The following TIMM23 variants were observed in gnomAD, a reference collection of about 807,000 sequenced individuals.
TIMM23 encodes mitochondrial import inner membrane translocase subunit Tim23.
In TIMM23, 19 loss-of-function variants were observed where a neutral mutation model predicts 30.7. The ratio of observed to expected loss-of-function variants is 0.62; its 90% confidence interval spans 0.43 to 0.91. The LOEUF is 0.91. Among genes scored for constraint, TIMM23 ranks in the 40% least tolerant of loss-of-function variants. TIMM23 has a pLI of 0.00. For missense variants in TIMM23, 202 were observed against 269.2 expected (o/e 0.75, Z 1.75); for synonymous variants, 78 against 98.5 (o/e 0.79, Z 1.23).
At chr10:45,974,788 A>AC (rs1837615120) in intron 1 of TIMM23, among the ~76,000 whole-genome samples, 1 of 152,164 alleles carries the variant, frequency 6.6e-6, no homozygotes, top group South Asian at 2.1e-4. Flanking sequence ...ATGAAAAGAT[A>AC]GAGGCATGGG....
intron 4 of TIMM23, among the ~76,000 whole-genome samples, chr10:45,983,896 A>T (rs1474977142): frequency 2.6e-5 from 4 of 152,082 alleles, no homozygotes; most frequent in Admixed American, 1.3e-4. Flanking sequence ...GGCACATGCC[A>T]CCATGCCCAG....
In TIMM23 at chr10:45,972,731, G is replaced by C. The variant is rs782431897; in HGVS notation, c.106+1G>C. ...CACGCGGATTTGGCTGGCGTCCCGC[G>C]TAAGTATGGGGCCTAGCTTGCGATT... On this transcript the variant is annotated splice_donor_variant, in intron 1 of 6. Transcript: ENST00000580018. LOFTEE classifies it high-confidence loss of function. 3.7e-6 allele frequency: 6 copies of C among 1,613,888 alleles called. No individual in the cohort carries two copies. Among genetic ancestry groups the C allele is most frequent in the Middle Eastern group, 1.7e-4 (1 of 6,056 alleles).
chr10:45,972,970 A>G lies in TIMM23; in HGVS notation c.106+240A>G, dbSNP rs587652787. Among the ~76,000 whole-genome samples the G allele has an allele frequency of 1.9e-3, 290 of 152,120 alleles. 1 individual carries two copies. Among genetic ancestry groups the G allele is most frequent in the African/African-American group, 6.8e-3 (282 of 41,492 alleles). ...TTGACCTGGACTCGCGAGATGATGC[A>G]TGTTTTCTTAGGTTTATATCCAAGC... On this transcript the variant is annotated intron_variant, in intron 1 of 6. Transcript: ENST00000580018.
At chr10:46,001,059 T>G (rs1838517604) in intron 6 of TIMM23, among the ~76,000 whole-genome samples, 1 of 152,252 alleles carries the variant, frequency 6.6e-6, no homozygotes, top group Admixed American at 6.5e-5. Flanking sequence ...CATGGCTTAT[T>G]TTTTCCACAT....
chr10:45,985,018 ATAGAT>A (rs1162050257), intron 4 of TIMM23, among the ~76,000 whole-genome samples: 1 of 152,100 alleles, frequency 6.6e-6, no homozygotes, highest in African/African-American at 2.4e-5. Context: ...CATTTTTTAC[ATAGAT>A]TAGTTTCTGT....
intron 6 of TIMM23, among the ~76,000 whole-genome samples, chr10:46,001,444 G>A (rs782275845): frequency 2.6e-5 from 4 of 152,292 alleles, no homozygotes; most frequent in African/African-American, 4.8e-5. Context: ...TAAGAAGAAC[G>A]TAAGCAGGTC....
intron 2 of TIMM23, among the ~76,000 whole-genome samples, chr10:45,976,487 T>A (rs1314124365): frequency 6.7e-6 from 1 of 149,968 alleles, no homozygotes; most frequent in East Asian, 2.0e-4. Flanking sequence ...GGTGCCTACC[T>A]GTAATCCCAG....
At chr10:45,994,126 G>A (rs1451269876) in intron 6 of TIMM23, among the ~76,000 whole-genome samples, 2 of 152,112 alleles carry the variant, frequency 1.3e-5, no homozygotes, top group African/African-American at 4.8e-5. Flanking sequence ...GATCACCTGA[G>A]GTCAGGAGTT....
intron 6 of TIMM23, among the ~76,000 whole-genome samples, chr10:45,995,323 T>C (rs587716207): frequency 6.6e-6 from 1 of 152,040 alleles, no homozygotes; most frequent in African/African-American, 2.4e-5. Context: ...ACATATAATA[T>C]GCCTTAAATT....
chr10:45,983,016 C>T, intron 4 of TIMM23, 86 bp downstream of exon 4: 3 of 1,565,224 alleles, frequency 1.9e-6, no homozygotes, highest in Non-Finnish European at 2.6e-6. Flanking sequence ...CTTGAGATTA[C>T]AGATGGTTAG....
intron 2 of TIMM23, among the ~76,000 whole-genome samples, chr10:45,977,614 G>C (rs1297129117): frequency 1.3e-5 from 2 of 152,250 alleles, no homozygotes; most frequent in Non-Finnish European, 2.9e-5. Flanking sequence ...ATGGGCACAA[G>C]TAGTTGTGAC....
At chr10:45,993,399 T>C (rs1260455210) in intron 6 of TIMM23, among the ~76,000 whole-genome samples, 2 of 151,962 alleles carry the variant, frequency 1.3e-5, no homozygotes, top group African/African-American at 4.8e-5. Flanking sequence ...ATTACACGCA[T>C]GCACCACGAT....
At chr10:45,990,634 G>A (rs1838139510) in intron 6 of TIMM23, 1 of 410,730 alleles carries the variant, frequency 2.4e-6, no homozygotes, top group Middle Eastern at 8.3e-4. Flanking sequence ...TGTTGCCCAA[G>A]CTGGTCTTGA....
At chr10:45,993,693 A>G (rs1478590597) in intron 6 of TIMM23, among the ~76,000 whole-genome samples, 1 of 151,380 alleles carries the variant, frequency 6.6e-6, no homozygotes, top group Non-Finnish European at 1.5e-5. Flanking sequence ...AAATGAAATA[A>G]ATGAAATGAA....
At chr10:45,992,359 G>C (rs1487586678) in intron 6 of TIMM23, 2 of 454,086 alleles carry the variant, frequency 4.4e-6, no homozygotes, top group Admixed American at 4.7e-5. Flanking sequence ...TTTTCTGTGG[G>C]TGGGAGGAAT....
intron 6 of TIMM23, chr10:45,998,372 A>G (rs1554917118): frequency 1.0e-6 from 1 of 985,326 alleles, no homozygotes; most frequent in African/African-American, 1.7e-5. Context: ...GAAGAACTAC[A>G]TAAGGATCCC....
chr10:45,996,654 G>T (rs1238172060), intron 6 of TIMM23, among the ~76,000 whole-genome samples: 5 of 151,998 alleles, frequency 3.3e-5, no homozygotes, highest in Admixed American at 6.5e-5. Flanking sequence ...GTTGAATGGT[G>T]TTTAGTGTGC....
intron 6 of TIMM23, among the ~76,000 whole-genome samples, chr10:45,998,556 C>G (rs1423003692): frequency 1.3e-5 from 2 of 152,158 alleles, no homozygotes; most frequent in Non-Finnish European, 2.9e-5. Flanking sequence ...CTTAAACTTG[C>G]AAACACATCA....
In TIMM23 at chr10:45,988,887, T is replaced by C. The variant is rs1337511508; in HGVS notation, c.514+40T>C. 7.3e-5 allele frequency: 116 copies of C among 1,591,368 alleles called. No homozygotes were observed. The African/African-American group carries it at 1.4e-3, about 20-fold the overall frequency. ...ATGGGGAGCCATCTCTTAATACACT[T>C]GAAGTGCGCTTTTTAAAATTCATGG... On this transcript the variant is annotated intron_variant, in intron 6 of 6. Coordinates refer to ENST00000580018, the MANE Select transcript of TIMM23 (RefSeq NM_006327.4).
Sources: gnomAD v4.1 joint callset for allele counts (sites outside exome capture counted in the v4.1 genomes callset) on GRCh38, gnomAD v4.1.1 for gene constraint, MANE v1.5 for transcripts, NCBI Gene and HGNC (gene_info 2026-07-23, HGNC 2026-07-21) for gene names.